MAGI2: variants seen among roughly 807,000 people sequenced by gnomAD.
The protein encoded by MAGI2 is membrane associated guanylate kinase, WW and PDZ domain containing 2, also known as membrane-associated guanylate kinase, WW and PDZ domain-containing protein 2.
MAGI2 carries 35 observed loss-of-function variants against 133.3 expected under a neutral mutation model. The observed-to-expected ratio is 0.26, with a 90% CI of 0.20 to 0.35. The LOEUF is 0.35. Among genes scored for constraint, MAGI2 ranks in the 10% least tolerant of loss-of-function variants. The pLI is 1.00. For synonymous variants in MAGI2, 729 were observed against 710.6 expected (o/e 1.03, Z -0.41); for missense variants, 1,636 against 1,863.4 (o/e 0.88, Z 2.25).
intron 1 of MAGI2, among the ~76,000 whole-genome samples, chr7:79,316,168 T>A (rs148640410): frequency 6.6e-6 from 1 of 152,164 alleles, no homozygotes; most frequent in Non-Finnish European, 1.5e-5. Flanking sequence ...GGTAGTTAGA[T>A]GGATGTCTCC....
chr7:78,288,795 AT>A (rs575085430), intron 9 of MAGI2, among the ~76,000 whole-genome samples: 89 of 152,316 alleles, frequency 5.8e-4, no homozygotes, highest in Admixed American at 4.4e-3. Context: ...ATTCTGCAAT[AT>A]TTGCTGTTCT....
intron 1 of MAGI2, chr7:79,353,654 C>T (rs9640776): frequency 0.15 from 53,122 of 363,202 alleles, 4,429 homozygotes; most frequent in East Asian, 0.29. Context: ...GGGGTGAGCA[C>T]GGGCATCACA....
intron 2 of MAGI2, among the ~76,000 whole-genome samples, chr7:78,877,134 G>A (rs532272278): frequency 1.8e-4 from 27 of 152,244 alleles, no homozygotes; most frequent in East Asian, 9.7e-4. Flanking sequence ...TGTTATAAAC[G>A]TCACCTTAGA....
chr7:78,735,768 G>A (rs1821789098), intron 2 of MAGI2, among the ~76,000 whole-genome samples: 1 of 152,028 alleles, frequency 6.6e-6, no homozygotes, highest in African/African-American at 2.4e-5. Context: ...GGGTTTATAG[G>A]TCCCATACCT....
intron 3 of MAGI2, among the ~76,000 whole-genome samples, chr7:78,600,302 A>G (rs936888395): frequency 7.2e-5 from 11 of 152,194 alleles, no homozygotes; most frequent in Admixed American, 5.2e-4. Context: ...AGAATAACAC[A>G]ATTTTAGAAG....
Position 79,453,366 on chromosome 7 carries a change from G to A in MAGI2, c.-46C>T. On this transcript the variant is annotated 5_prime_UTR_variant, in exon 1 of 22. Coordinates refer to ENST00000354212, the MANE Select transcript of MAGI2 (RefSeq NM_012301.4). ...CAGTTCCTGGGCTCCTTGGGGTTAG[G>A]GGGGCTGGTGGTGAGAGAATGAGGA... is the stretch of plus-strand genomic sequence containing the variant. The A allele has an allele frequency of 1.3e-6, 2 of 1,547,882 alleles. No individual in the cohort carries two copies. Among genetic ancestry groups the A allele is most frequent in the East Asian group, 2.3e-5 (1 of 44,160 alleles).
At chr7:79,303,869 G>A (rs1292490161) in intron 1 of MAGI2, among the ~76,000 whole-genome samples, 2 of 152,126 alleles carry the variant, frequency 1.3e-5, no homozygotes, top group Non-Finnish European at 1.5e-5. Context: ...TTTGAAACAC[G>A]TGGTTAATGT....
At chr7:78,999,917 T>A (rs1023636069) in intron 2 of MAGI2, among the ~76,000 whole-genome samples, 14 of 152,178 alleles carry the variant, frequency 9.2e-5, no homozygotes, top group Non-Finnish European at 1.9e-4. Flanking sequence ...AGAACAAAAA[T>A]CTGGCAGCTT....
Position 78,880,293 on chromosome 7 carries a change from C to T in MAGI2, c.418+126797G>A, listed in dbSNP as rs116403777. On this transcript the variant is annotated intron_variant, in intron 2 of 21. Coordinates refer to ENST00000354212, the MANE Select transcript of MAGI2 (RefSeq NM_012301.4). ...GTCACCAGACTGGCCAAGATCAGCA[C>T]GGAAGAAAAAAATCTTAAAAGGCAG... Among the ~76,000 whole-genome samples, 1,073 of 151,924 alleles carry T rather than the reference C, an allele frequency of 7.1e-3. 7 individuals carry two copies. The highest frequency in any genetic ancestry group is 0.025 in the African/African-American group (1,026 of 41,430).
chr7:78,294,694 C>A (rs1344530633), intron 9 of MAGI2, among the ~76,000 whole-genome samples: 1 of 152,124 alleles, frequency 6.6e-6, no homozygotes, highest in Non-Finnish European at 1.5e-5. Context: ...ACCAAGCAGC[C>A]AACCAACCGA....
chr7:79,369,669 G>A (rs1842937941), intron 1 of MAGI2, among the ~76,000 whole-genome samples: 2 of 152,308 alleles, frequency 1.3e-5, no homozygotes, highest in South Asian at 4.1e-4. Context: ...TGAAGGATGA[G>A]ATTGTTGTGT....
chr7:78,568,988 C>G (rs1461808040), intron 3 of MAGI2, among the ~76,000 whole-genome samples: 2 of 152,004 alleles, frequency 1.3e-5, no homozygotes, highest in African/African-American at 4.8e-5. Context: ...GCCCTAAATT[C>G]ATTTTGCCCC....
chr7:79,000,702 C>T (rs1312573503), intron 2 of MAGI2, among the ~76,000 whole-genome samples: 5 of 152,110 alleles, frequency 3.3e-5, no homozygotes, highest in Admixed American at 3.3e-4. Context: ...ACAAATTTGG[C>T]ATAAATATCA....
intron 20 of MAGI2, among the ~76,000 whole-genome samples, chr7:78,111,153 T>C (rs998855888): frequency 6.6e-6 from 1 of 152,070 alleles, no homozygotes; most frequent in Non-Finnish European, 1.5e-5. Context: ...AGGGAAGAAA[T>C]TGTAATTTAT....
At chr7:79,047,383 T>C (rs75002697) in intron 1 of MAGI2, among the ~76,000 whole-genome samples, 4,177 of 152,092 alleles carry the variant, frequency 0.027, 196 homozygotes, top group African/African-American at 0.096. Context: ...ATCTACACAA[T>C]AGGAAATCAA....
chr7:78,543,047 A>G (rs756662753), intron 3 of MAGI2, among the ~76,000 whole-genome samples: 1 of 152,220 alleles, frequency 6.6e-6, no homozygotes, highest in Non-Finnish European at 1.5e-5. Flanking sequence ...CAAACTGATG[A>G]TCTCATGATT....
chr7:79,077,853 G>A (rs1815675310), intron 1 of MAGI2, among the ~76,000 whole-genome samples: 1 of 151,918 alleles, frequency 6.6e-6, no homozygotes, highest in Admixed American at 6.6e-5. Context: ...AGATATTTAC[G>A]TTTCTTACTA....
intron 2 of MAGI2, among the ~76,000 whole-genome samples, chr7:78,971,875 T>C (rs1356721452): frequency 6.6e-6 from 1 of 152,044 alleles, no homozygotes; most frequent in African/African-American, 2.4e-5. Context: ...AGAAAATTTC[T>C]ACTTTAGTAT....
intron 3 of MAGI2, among the ~76,000 whole-genome samples, chr7:78,604,926 C>T (rs992406365): frequency 6.6e-6 from 1 of 151,698 alleles, no homozygotes; most frequent in East Asian, 1.9e-4. Context: ...TGTGTAATAC[C>T]CCCATACATC....
Sources: gnomAD v4.1 joint callset for allele counts (sites outside exome capture counted in the v4.1 genomes callset) on GRCh38, gnomAD v4.1.1 for gene constraint, MANE v1.5 for transcripts, NCBI Gene and HGNC (gene_info 2026-07-23, HGNC 2026-07-21) for gene names.